PIP5K1C: variants seen among roughly 807,000 people sequenced by gnomAD.
The protein encoded by PIP5K1C is phosphatidylinositol-4-phosphate 5-kinase type 1 gamma, also known as phosphatidylinositol 4-phosphate 5-kinase type-1 gamma.
In PIP5K1C, 45 loss-of-function variants were observed where a neutral mutation model predicts 80.1. That is an observed-to-expected ratio of 0.56 (90% CI 0.44 to 0.72). The LOEUF (loss-of-function observed/expected upper bound fraction) is 0.72, where lower values mean the gene tolerates loss of function less well. PIP5K1C is among the 30% of genes least tolerant of loss of function. PIP5K1C has a pLI of 0.00. For synonymous variants in PIP5K1C, 498 were observed against 420.1 expected (o/e 1.19, Z -2.27); for missense variants, 753 against 954.6 (o/e 0.79, Z 2.78).
rs10623803 is a variant in PIP5K1C, at chr19:3,657,763, T to TAAA, written c.469-1209_469-1207dup. The stretch of plus-strand genomic sequence containing the variant: ...CAACAGAGCGAGGCCTCATCTGTAC[T>TAAA]AAAAAAAAAAAAGAAAGAAAACAAA... On this transcript the variant is annotated intron_variant, in intron 5 of 17. Transcript: ENST00000335312. Among the ~76,000 whole-genome samples, 128 of 144,210 alleles carry TAAA rather than the reference T, an allele frequency of 8.9e-4. 1 individual carries two copies. The highest frequency in any genetic ancestry group is 3.6e-3 in the Middle Eastern group (1 of 278). The allele number at this position is 144,210 out of a possible 152,430, so 94.6% of individuals were successfully genotyped here.
chr19:3,658,107 C>T (rs1199696338), intron 5 of PIP5K1C, among the ~76,000 whole-genome samples: 1 of 152,198 alleles, frequency 6.6e-6, no homozygotes, highest in African/African-American at 2.4e-5. Flanking sequence ...TGGGAATGCC[C>T]CAGTCCCTCC....
At chr19:3,645,845 G>C in intron 11 of PIP5K1C, 129 bp downstream of exon 11, 1 of 779,450 alleles carries the variant, frequency 1.3e-6, no homozygotes, top group Non-Finnish European at 2.4e-6. Flanking sequence ...GGTCTGAGGG[G>C]GGCACAGGGG....
At chr19:3,667,800 G>A (rs572291409) in intron 1 of PIP5K1C, among the ~76,000 whole-genome samples, 4 of 152,230 alleles carry the variant, frequency 2.6e-5, no homozygotes, top group East Asian at 1.9e-4. Flanking sequence ...ACCAAGCCCC[G>A]CTTCCTCGGA....
intron 4 of PIP5K1C, among the ~76,000 whole-genome samples, chr19:3,661,290 C>T (rs963941680): frequency 5.4e-5 from 8 of 147,810 alleles, no homozygotes; most frequent in Non-Finnish European, 1.0e-4. Flanking sequence ...TCATTAACAA[C>T]GGGGCCCACA....
chr19:3,698,557 C>T lies in PIP5K1C; in HGVS notation c.94+1740G>A, dbSNP rs541244457. On this transcript the variant is annotated intron_variant, in intron 1 of 17. Coordinates refer to ENST00000335312, the MANE Select transcript of PIP5K1C (RefSeq NM_012398.3). ...CGTCCTGCCCCCAGGGGACACTGAA[C>T]GGTGTCTGGGTCACTTGTGGCTGTC... Among the ~76,000 whole-genome samples, 8 of 152,362 alleles carry T rather than the reference C, an allele frequency of 5.3e-5. No homozygotes were observed. In the East Asian group the frequency reaches 7.7e-4, roughly 15 times the overall value.
At chr19:3,650,333 G>A (rs1034974474) in intron 8 of PIP5K1C, among the ~76,000 whole-genome samples, 2 of 152,364 alleles carry the variant, frequency 1.3e-5, no homozygotes, top group African/African-American at 4.8e-5. Context: ...CTCCAAGGCC[G>A]CTGTGAAGAC....
At chr19:3,665,839 G>T (rs1005132640) in intron 2 of PIP5K1C, among the ~76,000 whole-genome samples, 1 of 152,064 alleles carries the variant, frequency 6.6e-6, no homozygotes, top group Non-Finnish European at 1.5e-5. Context: ...GAACAGCCCC[G>T]CCTGGCACCG....
At chr19:3,678,705 GGGAGGGAT>G (rs1300601319) in intron 1 of PIP5K1C, among the ~76,000 whole-genome samples, 2 of 125,656 alleles carry the variant, frequency 1.6e-5, no homozygotes, top group East Asian at 2.8e-4. Context: ...GATGGAGGGC[GGGAGGGAT>G]GGAGGGATGG....
chr19:3,664,614 C>T (rs2034947601), intron 3 of PIP5K1C, among the ~76,000 whole-genome samples: 2 of 152,232 alleles, frequency 1.3e-5, no homozygotes, highest in South Asian at 4.1e-4. Flanking sequence ...ACAGAACATG[C>T]TGCCCGGCCG....
intron 5 of PIP5K1C, among the ~76,000 whole-genome samples, 174 bp downstream of exon 5, chr19:3,660,792 G>T (rs941688334): frequency 1.3e-5 from 2 of 152,056 alleles, no homozygotes; most frequent in Non-Finnish European, 2.9e-5. Flanking sequence ...CTTGGAGGCC[G>T]ATCTCTCCTG....
At position 3,647,352 on chromosome 19, in the gene PIP5K1C, G is replaced by T; in HGVS notation, c.1246C>A (p.Leu416Ile). Residue 416 changes from leucine (L) to isoleucine (I), a missense_variant, in exon 10 of 18, where the codon CTC (leucine) becomes ATC (isoleucine). This residue lies in a region of PIP5K1C where 114 missense variants were observed against 152.4 expected (regional missense o/e 0.75). Transcript: ENST00000335312. ...CAGGCGCTCACCCCATCGTGGACGA[G>T]GGCCTTCCAGGTGTGCTCCAGTTTC... Reference protein sequence around the residue: ...IKKLEHTWKALVHDGDTVSVH... With the variant: ...IKKLEHTWKAIVHDGDTVSVH... 6.3e-7 allele frequency: 1 copy of T among 1,578,814 alleles called. No homozygotes were observed.
intron 1 of PIP5K1C, among the ~76,000 whole-genome samples, chr19:3,668,962 T>A (rs1600036767): frequency 6.6e-6 from 1 of 150,702 alleles, no homozygotes; most frequent in South Asian, 2.1e-4. Flanking sequence ...CGAAGGGGAG[T>A]GCCTCCCTGT....
chr19:3,700,091 G>A (rs372023976), intron 1 of PIP5K1C, among the ~76,000 whole-genome samples: 3 of 152,170 alleles, frequency 2.0e-5, no homozygotes, highest in East Asian at 3.9e-4. Flanking sequence ...AGCGGTGGGA[G>A]GTAGCCCCTC....
At chr19:3,654,888 G>A (rs931499169) in intron 6 of PIP5K1C, among the ~76,000 whole-genome samples, 12 of 151,470 alleles carry the variant, frequency 7.9e-5, no homozygotes, top group Non-Finnish European at 1.8e-4. Context: ...GGCCAAGGCA[G>A]GCAGATCATG....
intron 6 of PIP5K1C, among the ~76,000 whole-genome samples, chr19:3,655,361 T>C (rs952192139): frequency 1.3e-5 from 2 of 152,060 alleles, no homozygotes; most frequent in Non-Finnish European, 2.9e-5. Context: ...GAGGCTGCAG[T>C]GAGCCAAGAT....
intron 6 of PIP5K1C, among the ~76,000 whole-genome samples, chr19:3,654,213 C>CA (rs1164840128): frequency 6.6e-6 from 1 of 152,216 alleles, no homozygotes; most frequent in Non-Finnish European, 1.5e-5. Context: ...ACTTTCACTC[C>CA]AAATCTGGGT....
intron 1 of PIP5K1C, among the ~76,000 whole-genome samples, chr19:3,676,922 A>C (rs1409030809): frequency 3.3e-5 from 5 of 152,038 alleles, no homozygotes; most frequent in Non-Finnish European, 7.4e-5. Flanking sequence ...CAACATCGTG[A>C]GACCCCCATC....
intron 1 of PIP5K1C, among the ~76,000 whole-genome samples, chr19:3,680,391 G>A (rs188344130): frequency 6.6e-6 from 1 of 152,240 alleles, no homozygotes; most frequent in East Asian, 1.9e-4. Flanking sequence ...TGCAACCTCC[G>A]CCTCCCAGGT....
intron 1 of PIP5K1C, among the ~76,000 whole-genome samples, chr19:3,680,859 C>A (rs1006382688): frequency 2.0e-4 from 30 of 152,132 alleles, no homozygotes; most frequent in African/African-American, 7.2e-4. Context: ...GGAGACTCTG[C>A]CCTCCAGGGC....
Sources: allele counts gnomAD v4.1 joint callset (sites outside exome capture counted in the v4.1 genomes callset), GRCh38; gene constraint gnomAD v4.1.1; regional missense constraint gnomAD v4.1.1; transcripts MANE v1.5; gene names NCBI Gene and HGNC (gene_info 2026-07-23, HGNC 2026-07-21).